Variants in ANO3 observed in about 807,000 individuals in gnomAD.
The protein encoded by ANO3 is anoctamin-3.
ANO3 carries 99 observed loss-of-function variants against 144.8 expected under a neutral mutation model. The observed-to-expected ratio is 0.68, with a 90% CI of 0.58 to 0.81. The LOEUF (loss-of-function observed/expected upper bound fraction) is 0.81. Among genes scored for constraint, ANO3 ranks in the 30% least tolerant of loss-of-function variants. The pLI is 0.00. For synonymous variants in ANO3, 414 were observed against 392.6 expected, an observed-to-expected ratio of 1.05 and a Z score of -0.64; for missense variants, 905 against 1,202.2, an observed-to-expected ratio of 0.75 and a Z score of 3.66.
intron 1 of ANO3, among the ~76,000 whole-genome samples, chr11:26,239,569 G>T (rs1217243108): frequency 1.3e-5 from 2 of 152,068 alleles, no homozygotes; most frequent in Non-Finnish European, 2.9e-5. Flanking sequence ...TTCCTTTCTT[G>T]CTACTATAGT....
At chr11:26,648,146 C>T (rs1853409595) in intron 24 of ANO3, among the ~76,000 whole-genome samples, 1 of 152,024 alleles carries the variant, frequency 6.6e-6, no homozygotes, top group Non-Finnish European at 1.5e-5. Flanking sequence ...CTTAGAATAA[C>T]TTCTTACCAT....
intron 4 of ANO3, among the ~76,000 whole-genome samples, chr11:26,472,452 C>T (rs1286872888): frequency 6.6e-6 from 1 of 151,824 alleles, no homozygotes; most frequent in Non-Finnish European, 1.5e-5. Context: ...TAGATGGCTA[C>T]GTAACTTTCC....
At chr11:26,443,893 G>C (rs1172599902) in intron 3 of ANO3, 57 bp downstream of exon 3, 2 of 1,214,606 alleles carry the variant, frequency 1.6e-6, no homozygotes, top group Middle Eastern at 2.0e-4. Flanking sequence ...GGTAAGCTGT[G>C]TTCTTCTAAA....
At position 26,245,239 on chromosome 11, in the gene ANO3, T is replaced by C. The variant is rs542797258; in HGVS notation, c.154+55909T>C. On this transcript the variant is annotated intron_variant, in intron 1 of 27. Coordinates refer to the ANO3 transcript ENST00000672621. ...GTCCCATTTTTGATGATGTAAACTTTAGTCAGAATTTGAAAGTGATGTCCA... is the reference window on the plus strand; with the variant it reads ...GTCCCATTTTTGATGATGTAAACTTCAGTCAGAATTTGAAAGTGATGTCCA... Among the ~76,000 whole-genome samples, 7 of 152,300 alleles carry C rather than the reference T, an allele frequency of 4.6e-5. No individual in the cohort carries two copies. The South Asian group carries it at 1.0e-3, about 23-fold the overall frequency.
At chr11:26,449,535 T>C (rs1311566983) in intron 3 of ANO3, among the ~76,000 whole-genome samples, 1 of 151,374 alleles carries the variant, frequency 6.6e-6, no homozygotes, top group East Asian at 1.9e-4. Context: ...GCACATCTCT[T>C]TGGAGAGTCT....
chr11:26,468,246 G>T (rs192869287), intron 4 of ANO3, among the ~76,000 whole-genome samples: 1 of 152,022 alleles, frequency 6.6e-6, no homozygotes, highest in East Asian at 1.9e-4. Context: ...TAGCTCTTTC[G>T]GTCTCAGCTG....
chr11:26,487,455 A>G (rs1442428506), intron 4 of ANO3, among the ~76,000 whole-genome samples: 1 of 152,172 alleles, frequency 6.6e-6, no homozygotes, highest in Non-Finnish European at 1.5e-5. Context: ...GTACAAATAC[A>G]GTTAATTGGT....
chr11:26,266,494 C>T (rs1462094921), intron 1 of ANO3, among the ~76,000 whole-genome samples: 4 of 145,848 alleles, frequency 2.7e-5, no homozygotes, highest in South Asian at 2.2e-4. Flanking sequence ...AGTGCAGTGG[C>T]GCAATCTCGG....
chr11:26,601,538 T>A (rs1590617674), intron 17 of ANO3, among the ~76,000 whole-genome samples: 1 of 74,284 alleles, frequency 1.3e-5, no homozygotes, highest in South Asian at 5.9e-4. Context: ...ATAATAAACA[T>A]TGAAAAAAAA....
At chr11:26,472,411 C>A (rs1859815107) in intron 4 of ANO3, among the ~76,000 whole-genome samples, 1 of 151,872 alleles carries the variant, frequency 6.6e-6, no homozygotes, top group Admixed American at 6.6e-5. Context: ...TCTATTTTTA[C>A]CCCCATTTCA....
At chr11:26,210,504 T>C (rs1354655874) in intron 1 of ANO3, among the ~76,000 whole-genome samples, 1 of 152,224 alleles carries the variant, frequency 6.6e-6, no homozygotes, top group Non-Finnish European at 1.5e-5. Context: ...AAGTAGCTTT[T>C]TCCAATTCTG....
intron 1 of ANO3, among the ~76,000 whole-genome samples, chr11:26,410,174 A>G (rs1323857113): frequency 5.9e-5 from 9 of 151,990 alleles, no homozygotes. Flanking sequence ...TCGAGTGCCT[A>G]CTAGGTTCCA....
chr11:26,431,235 T>C (rs1419005751), intron 1 of ANO3, among the ~76,000 whole-genome samples: 1 of 152,256 alleles, frequency 6.6e-6, no homozygotes, highest in Admixed American at 6.5e-5. Context: ...CTAAATTCTT[T>C]TTATGAACCA....
In ANO3 at chr11:26,530,919, ATCTT is replaced by A. The variant is rs147261448; in HGVS notation, c.738-284_738-281del. On this transcript the variant is annotated intron_variant, in intron 7 of 26. Coordinates refer to ENST00000256737, the MANE Select transcript of ANO3 (RefSeq NM_031418.4). ...AACAAAAAATCTCTTTCCTACCACC[ATCTT>A]TATGTATCCTGTTTCTGAAATCTTT... Among the ~76,000 whole-genome samples, 2,245 of 152,112 alleles carry A rather than the reference ATCTT, an allele frequency of 0.015. 48 individuals carry two copies. Among genetic ancestry groups the A allele is most frequent in the African/African-American group, 0.051 (2,137 of 41,512 alleles).
At chr11:26,223,544 T>C (rs1015699376) in intron 1 of ANO3, among the ~76,000 whole-genome samples, 2 of 149,396 alleles carry the variant, frequency 1.3e-5, no homozygotes, top group East Asian at 2.0e-4. Flanking sequence ...GATATCCTTA[T>C]AGCAATGCCT....
At chr11:26,294,711 C>G (rs921159951) in intron 1 of ANO3, among the ~76,000 whole-genome samples, 3 of 152,128 alleles carry the variant, frequency 2.0e-5, no homozygotes, top group Non-Finnish European at 4.4e-5. Flanking sequence ...GTGACTTACT[C>G]TAGTTTGATT....
At chr11:26,461,886 A>C (rs1859409309) in intron 3 of ANO3, among the ~76,000 whole-genome samples, 1 of 152,034 alleles carries the variant, frequency 6.6e-6, no homozygotes, top group Non-Finnish European at 1.5e-5. Context: ...TATTGCATGC[A>C]CTTAGCAAAT....
intron 1 of ANO3, among the ~76,000 whole-genome samples, chr11:26,281,774 G>T (rs2133844966): frequency 6.6e-6 from 1 of 152,234 alleles, no homozygotes; most frequent in South Asian, 2.1e-4. Context: ...TGAAAGTACT[G>T]CTTGAAGAGA....
intron 23 of ANO3, among the ~76,000 whole-genome samples, chr11:26,647,443 G>GTGCACCTT (rs1305682906): frequency 6.6e-6 from 1 of 152,150 alleles, no homozygotes; most frequent in Non-Finnish European, 1.5e-5. Context: ...CTGTGCACCT[G>GTGCACCTT]TGCCATGTCT....
Sources: allele counts gnomAD v4.1 joint callset (sites outside exome capture counted in the v4.1 genomes callset), GRCh38; gene constraint gnomAD v4.1.1; transcripts MANE v1.5; gene names NCBI Gene and HGNC (gene_info 2026-07-23, HGNC 2026-07-21).